TAFA5: variants seen among roughly 807,000 people sequenced by gnomAD.
TAFA5 encodes TAFA chemokine like family member 5.
TAFA5 carries 6 observed loss-of-function variants against 15.3 expected under a neutral mutation model. That is an observed-to-expected ratio of 0.39 (90% CI 0.21 to 0.77). The LOEUF is 0.77. Ranked by LOEUF, TAFA5 falls within the 30% of genes least tolerant of loss-of-function variation. TAFA5 has a pLI of 0.41. For synonymous variants in TAFA5, 103 were observed against 80.7 expected (o/e 1.28, Z -1.48); for missense variants, 161 against 193.1 (o/e 0.83, Z 0.98).
intron 1 of TAFA5, among the ~76,000 whole-genome samples, chr22:48,535,587 TGCAA>T (rs980635364): frequency 1.3e-4 from 20 of 152,066 alleles, no homozygotes; most frequent in African/African-American, 4.8e-4. Context: ...TATGTGTAGA[TGCAA>T]GCATGCTGCA....
intron 1 of TAFA5, among the ~76,000 whole-genome samples, chr22:48,603,847 G>A (rs1458248493): frequency 6.6e-6 from 1 of 152,118 alleles, no homozygotes; most frequent in Non-Finnish European, 1.5e-5. Flanking sequence ...GGGCTGGCAG[G>A]CTGGAGGACC....
At chr22:48,612,383 A>G (rs1925441323) in intron 1 of TAFA5, among the ~76,000 whole-genome samples, 4 of 152,100 alleles carry the variant, frequency 2.6e-5, no homozygotes, top group African/African-American at 2.4e-5. Flanking sequence ...GGAGACTGCA[A>G]AGGGGTTAAA....
chr22:48,711,854 A>G (rs1294140971), intron 3 of TAFA5, among the ~76,000 whole-genome samples: 12 of 149,674 alleles, frequency 8.0e-5, no homozygotes, highest in African/African-American at 2.7e-4. Flanking sequence ...TCACTCCTCA[A>G]CCCCTTCCGG....
chr22:48,520,516 G>A (rs1921567207), intron 1 of TAFA5, among the ~76,000 whole-genome samples: 2 of 152,274 alleles, frequency 1.3e-5, no homozygotes, highest in Admixed American at 1.3e-4. Flanking sequence ...TGGATGAAGT[G>A]TTTCTGGAGT....
At chr22:48,493,501 C>T (rs553658482) in intron 1 of TAFA5, among the ~76,000 whole-genome samples, 2 of 152,286 alleles carry the variant, frequency 1.3e-5, no homozygotes, top group South Asian at 2.1e-4. Flanking sequence ...GAATATGTTA[C>T]TTTCCTGCTG....
chr22:48,559,635 A>G (rs1374179838), intron 1 of TAFA5, among the ~76,000 whole-genome samples: 1 of 151,716 alleles, frequency 6.6e-6, no homozygotes, highest in African/African-American at 2.4e-5. Flanking sequence ...CAAGCCTTGA[A>G]AGTGGGAGAA....
chr22:48,655,995 C>T (rs1004777047), intron 2 of TAFA5, among the ~76,000 whole-genome samples: 8 of 146,098 alleles, frequency 5.5e-5, no homozygotes, highest in African/African-American at 2.1e-4. Flanking sequence ...CCTGCCACTA[C>T]ACCCGGCTAA....
intron 3 of TAFA5, among the ~76,000 whole-genome samples, chr22:48,734,229 A>C (rs1169701922): frequency 3.3e-5 from 5 of 151,428 alleles, no homozygotes; most frequent in Admixed American, 6.6e-5. Context: ...AAATGTAAAG[A>C]CTTCCCGTGA....
At chr22:48,503,520 G>A (rs546567833) in intron 1 of TAFA5, among the ~76,000 whole-genome samples, 1 of 152,264 alleles carries the variant, frequency 6.6e-6, no homozygotes, top group Non-Finnish European at 1.5e-5. Flanking sequence ...AAGTGCCAGG[G>A]ACAGTGGAAG....
chr22:48,529,767 T>A (rs1175210292), intron 1 of TAFA5, among the ~76,000 whole-genome samples: 2 of 151,874 alleles, frequency 1.3e-5, no homozygotes, highest in Non-Finnish European at 2.9e-5. Context: ...GATGATGGGT[T>A]GGGTGTGTGG....
At chr22:48,558,291 C>G (rs1338833662) in intron 1 of TAFA5, among the ~76,000 whole-genome samples, 1 of 152,242 alleles carries the variant, frequency 6.6e-6, no homozygotes, top group East Asian at 1.9e-4. Flanking sequence ...TCGGCACACA[C>G]TCATTTGCTG....
At chr22:48,583,863 C>G (rs1185430441) in intron 1 of TAFA5, among the ~76,000 whole-genome samples, 2 of 151,072 alleles carry the variant, frequency 1.3e-5, no homozygotes, top group African/African-American at 2.4e-5. Context: ...ATACACCACA[C>G]ACACACGCAA....
intron 2 of TAFA5, among the ~76,000 whole-genome samples, chr22:48,699,273 C>A (rs1928828288): frequency 6.6e-6 from 1 of 152,196 alleles, no homozygotes; most frequent in East Asian, 1.9e-4. Context: ...TACTGTTGAC[C>A]TTCATTGTTC....
At chr22:48,620,692 CT>C (rs1259957199) in intron 1 of TAFA5, among the ~76,000 whole-genome samples, 2 of 112,240 alleles carry the variant, frequency 1.8e-5, no homozygotes, top group Non-Finnish European at 3.7e-5. Context: ...ATCCTATCTA[CT>C]CACCCCCATA....
chr22:48,747,272 G>T (rs1930355819), intron 3 of TAFA5, among the ~76,000 whole-genome samples: 1 of 152,232 alleles, frequency 6.6e-6, no homozygotes, highest in South Asian at 2.1e-4. Context: ...CTGATGTTCT[G>T]CATGGTGATT....
At chr22:48,671,059 C>T (rs777163420) in intron 2 of TAFA5, among the ~76,000 whole-genome samples, 8 of 152,230 alleles carry the variant, frequency 5.3e-5, no homozygotes, top group Non-Finnish European at 8.8e-5. Context: ...CCCAGGGACA[C>T]ACCAAGATGG....
intron 2 of TAFA5, among the ~76,000 whole-genome samples, chr22:48,672,717 T>C (rs912353641): frequency 3.9e-5 from 6 of 152,334 alleles, no homozygotes; most frequent in African/African-American, 1.4e-4. Context: ...CATCATTGCA[T>C]GACATCTAGG....
intron 2 of TAFA5, among the ~76,000 whole-genome samples, chr22:48,647,467 G>A (rs1047609230): frequency 1.3e-5 from 2 of 152,150 alleles, no homozygotes; most frequent in Admixed American, 1.3e-4. Flanking sequence ...TGACCATGGG[G>A]AGAGAGTGGG....
intron 1 of TAFA5, among the ~76,000 whole-genome samples, chr22:48,551,643 G>C (rs1162588169): frequency 6.6e-6 from 1 of 152,172 alleles, no homozygotes; most frequent in African/African-American, 2.4e-5. Context: ...GTGACGATGT[G>C]CATGGGGTCC....
Sources: allele counts gnomAD v4.1 joint callset (sites outside exome capture counted in the v4.1 genomes callset), GRCh38; gene constraint gnomAD v4.1.1; transcripts MANE v1.5; gene names NCBI Gene and HGNC (gene_info 2026-07-23, HGNC 2026-07-21).